Variants in TENM2 observed in about 807,000 individuals in gnomAD.
The protein encoded by TENM2 is teneurin-2.
Under a neutral mutation model 245.2 loss-of-function variants are expected in TENM2, and 52 were observed. The ratio of observed to expected loss-of-function variants is 0.21; its 90% CI spans 0.17 to 0.27. TENM2 has a LOEUF of 0.27. Ranked by LOEUF, TENM2 falls within the 10% of genes least tolerant of loss-of-function variation. The probability of loss-of-function intolerance (pLI) is 1.00; values close to 1 mark genes in which losing one functional copy is unlikely to be tolerated. For synonymous variants in TENM2, 1,363 were observed against 1,438.9 expected, an observed-to-expected ratio of 0.95 and a Z score of 1.19; for missense variants, 3,046 against 3,666.8, an observed-to-expected ratio of 0.83 and a Z score of 4.37.
the TENM2 span, among the ~76,000 whole-genome samples, chr5:167,274,276 C>CT: frequency 6.6e-6 from 1 of 152,010 alleles, no homozygotes; most frequent in Non-Finnish European, 1.5e-5. Context: ...TTTAGGATTG[C>CT]TTTTTTCACT....
chr5:167,322,698 G>A (rs898708339), intron 1 of TENM2, among the ~76,000 whole-genome samples: 1 of 152,118 alleles, frequency 6.6e-6, no homozygotes, highest in Admixed American at 6.5e-5. Flanking sequence ...AATGATTAAA[G>A]CTGGAATTTT....
intron 2 of TENM2, among the ~76,000 whole-genome samples, chr5:167,750,386 T>C (rs754735583): frequency 1.8e-4 from 27 of 152,148 alleles, no homozygotes; most frequent in Non-Finnish European, 4.0e-4. Flanking sequence ...CTTGATATCC[T>C]GAGTAATTCT....
chr5:167,072,633 T>C, the TENM2 span, among the ~76,000 whole-genome samples: 1 of 152,214 alleles, frequency 6.6e-6, no homozygotes, highest in Admixed American at 6.5e-5. Context: ...TTCTATGAAA[T>C]AGGGGCTATG....
chr5:167,055,449 T>C, the TENM2 span, among the ~76,000 whole-genome samples: 3 of 152,070 alleles, frequency 2.0e-5, no homozygotes, highest in Admixed American at 1.3e-4. Context: ...TATAGCTTTA[T>C]GGTAATATTT....
At chr5:167,337,307 A>C (rs1757838549) in intron 1 of TENM2, among the ~76,000 whole-genome samples, 1 of 152,168 alleles carries the variant, frequency 6.6e-6, no homozygotes, top group Non-Finnish European at 1.5e-5. Context: ...ATTAAACTCT[A>C]TCAACATAAT....
Position 167,321,801 on chromosome 5 carries a change from T to TTTTTTGTG in TENM2, c.226+36738_226+36739insTTTTTGTG, listed in dbSNP as rs67957514. Among the ~76,000 whole-genome samples the TTTTTTGTG allele has an allele frequency of 8.2e-4, 6 of 7,282 alleles. 3 individuals carry two copies. Among genetic ancestry groups the TTTTTTGTG allele is most frequent in the African/African-American group, 3.1e-3 (6 of 1,918 alleles). 4.8% of individuals were successfully genotyped at this position (7,282 alleles called of 152,430 possible). On this transcript the variant is annotated intron_variant, in intron 1 of 28. Coordinates refer to ENST00000518659, the Ensembl canonical transcript of TENM2. ...CCTTGGCTTATTTTTTTTTTTTTTT[T>TTTTTTGTG]GGGGGGGGGGGCGGGGGGGGGGGTG...
chr5:167,530,192 A>T (rs1367427064), intron 2 of TENM2, among the ~76,000 whole-genome samples: 1 of 152,180 alleles, frequency 6.6e-6, no homozygotes, highest in Non-Finnish European at 1.5e-5. Flanking sequence ...ATTCATTTTT[A>T]TTATATTTTA....
At chr5:167,145,230 A>T in the TENM2 span, among the ~76,000 whole-genome samples, 1 of 152,206 alleles carries the variant, frequency 6.6e-6, no homozygotes, top group Admixed American at 6.5e-5. Flanking sequence ...GGACACGGAC[A>T]TCTTTGGGAG....
chr5:167,095,311 A>G, the TENM2 span, among the ~76,000 whole-genome samples: 1 of 152,186 alleles, frequency 6.6e-6, no homozygotes, highest in Non-Finnish European at 1.5e-5. Flanking sequence ...TTGGGACAAG[A>G]GTATTCCAGG....
intron 13 of TENM2, among the ~76,000 whole-genome samples, chr5:168,175,956 C>T (rs977697668): frequency 3.3e-5 from 5 of 152,196 alleles, no homozygotes; most frequent in Non-Finnish European, 5.9e-5. Context: ...ACTAGCACAC[C>T]GTCTGCCAGG....
intron 1 of TENM2, among the ~76,000 whole-genome samples, chr5:167,349,199 A>T (rs1001692205): frequency 6.6e-6 from 1 of 152,132 alleles, no homozygotes; most frequent in Non-Finnish European, 1.5e-5. Flanking sequence ...CCGGGCATCA[A>T]CTGGTTCAAC....
intron 19 of TENM2, among the ~76,000 whole-genome samples, chr5:168,205,393 C>G (rs1307800963): frequency 6.6e-6 from 1 of 151,058 alleles, no homozygotes; most frequent in Non-Finnish European, 1.5e-5. Flanking sequence ...GAGCCACAGA[C>G]AAAATCATGT....
intron 6 of TENM2, among the ~76,000 whole-genome samples, chr5:168,061,806 T>A (rs1790059447): frequency 6.6e-6 from 1 of 152,206 alleles, no homozygotes; most frequent in Non-Finnish European, 1.5e-5. Context: ...CTGATTATAT[T>A]TGATCAGTAA....
intron 5 of TENM2, among the ~76,000 whole-genome samples, chr5:168,037,557 T>C (rs953810097): frequency 1.6e-4 from 21 of 131,794 alleles, no homozygotes; most frequent in African/African-American, 4.8e-4. Flanking sequence ...TTTTTTTGGC[T>C]AATTTTATTA....
chr5:167,632,311 C>T (rs981897902), intron 2 of TENM2, among the ~76,000 whole-genome samples: 1 of 152,108 alleles, frequency 6.6e-6, no homozygotes, highest in Non-Finnish European at 1.5e-5. Context: ...TCAGGTTACC[C>T]CTCAAGAAAA....
At chr5:167,843,532 T>TTTCA (rs1769744816) in intron 2 of TENM2, among the ~76,000 whole-genome samples, 1 of 152,192 alleles carries the variant, frequency 6.6e-6, no homozygotes, top group South Asian at 2.1e-4. Flanking sequence ...CCAGGACTTA[T>TTTCA]TTCACTCTGT....
chr5:167,483,134 G>A (rs932054334), intron 2 of TENM2, among the ~76,000 whole-genome samples: 1 of 152,110 alleles, frequency 6.6e-6, no homozygotes, highest in African/African-American at 2.4e-5. Flanking sequence ...TTACTTTATT[G>A]GATTGTTGTG....
intron 2 of TENM2, among the ~76,000 whole-genome samples, chr5:167,651,968 C>T (rs150673942): frequency 6.6e-6 from 1 of 152,182 alleles, no homozygotes; most frequent in South Asian, 2.1e-4. Flanking sequence ...GCATTGCCAC[C>T]TCTCTCCCAC....
chr5:167,044,528 T>C, the TENM2 span, among the ~76,000 whole-genome samples: 3 of 152,116 alleles, frequency 2.0e-5, no homozygotes, highest in Non-Finnish European at 2.9e-5. Context: ...CATCAGGGTG[T>C]CCAATGTTGT....
Sources: allele counts gnomAD v4.1 joint callset (sites outside exome capture counted in the v4.1 genomes callset), GRCh38; gene constraint gnomAD v4.1.1; transcripts MANE v1.5; gene names NCBI Gene and HGNC (gene_info 2026-07-23, HGNC 2026-07-21).